GPC1: variants seen among roughly 807,000 people sequenced by gnomAD.
The protein encoded by GPC1 is glypican 1.
A neutral mutation model predicts 51.5 loss-of-function variants in GPC1; 26 were observed. That is an observed-to-expected ratio of 0.50 (90% CI 0.37 to 0.70). The LOEUF (loss-of-function observed/expected upper bound fraction) is 0.70, where lower values mean the gene tolerates loss of function less well. GPC1 is among the 30% of genes least tolerant of loss of function. The pLI is 0.00. For synonymous variants in GPC1, 380 were observed against 348.3 expected (o/e 1.09, Z -1.01); for missense variants, 775 against 800.5 (o/e 0.97, Z 0.38).
chr2:240,451,387 C>A, intron 1 of GPC1: 1 of 404,530 alleles, frequency 2.5e-6, no homozygotes, highest in Non-Finnish European at 5.2e-6. Context: ...CCTTGGGTGC[C>A]TGTGGCCCCT....
Position 240,465,578 on chromosome 2 carries a change from G to T in GPC1, c.1374G>T (p.Met458Ile). The T allele has an allele frequency of 1.2e-6, 2 of 1,613,166 alleles. No individual in the cohort carries two copies. The highest frequency in any genetic ancestry group is 8.5e-7 in the Non-Finnish European group (1 of 1,179,984). The change falls in exon 8 of 9, where the codon ATG becomes ATT. Residue 458 changes from methionine to isoleucine, a missense_variant. Transcript: ENST00000264039. Reference sequence around the variant, plus strand: ...ACATGACCATCCGGCAGCAGATCATGCAGCTGAAGATCATGACCAACCGGC... The same window carrying T: ...ACATGACCATCCGGCAGCAGATCATTCAGCTGAAGATCATGACCAACCGGC... ...KPDMTIRQQI[M>I]QLKIMTNRLR...
At chr2:240,456,742 G>A (rs1488169093) in intron 1 of GPC1, 3 of 414,500 alleles carry the variant, frequency 7.2e-6, no homozygotes, top group Non-Finnish European at 1.6e-5. Flanking sequence ...CCGGAGGGGC[G>A]GTTCCTGCTC....
chr2:240,439,506 C>T (rs572230697), intron 1 of GPC1, among the ~76,000 whole-genome samples: 4 of 152,336 alleles, frequency 2.6e-5, no homozygotes, highest in Admixed American at 6.5e-5. Context: ...CACCAGCGTG[C>T]CCTGGAGCCT....
chr2:240,444,105 T>G (rs1307269505), intron 1 of GPC1, among the ~76,000 whole-genome samples: 1 of 152,142 alleles, frequency 6.6e-6, no homozygotes. Flanking sequence ...CGGCCCGGCT[T>G]CTTTGCAGCT....
rs533563171 is a variant in GPC1, at chr2:240,465,791, C to G, written c.1444+143C>G. 33 of 730,566 alleles carry G rather than the reference C, an allele frequency of 4.5e-5. No homozygotes were observed. The African/African-American group carries it at 4.9e-4, about 11-fold the overall frequency. The allele number at this position is 730,566 out of a possible 1,614,324, so 45.3% of individuals were successfully genotyped here. ...GTGAGTCTGAGGACGCTGTGCTGCC[C>G]AGGCACGATCACCGAGCCCTGCACC... On this transcript the variant is annotated intron_variant, in intron 8 of 8. Coordinates refer to ENST00000264039, the MANE Select transcript of GPC1 (RefSeq NM_002081.3).
intron 1 of GPC1, chr2:240,454,818 C>T (rs1437746316): frequency 6.1e-6 from 1 of 163,024 alleles, no homozygotes; most frequent in South Asian, 1.5e-4. Flanking sequence ...CTGCATTCTC[C>T]TTGGGAGGGC....
At chr2:240,452,695 G>A (rs1057455080) in intron 1 of GPC1, 1 of 151,630 alleles carries the variant, frequency 6.6e-6, no homozygotes, top group Non-Finnish European at 1.5e-5. Flanking sequence ...CTGGCCGGAG[G>A]GGCCGGGGCG....
chr2:240,459,179 A>G lies in GPC1; in HGVS notation c.316A>G (p.Ser106Gly), dbSNP rs1156863880. ...GGCCATGCTTGCCACCCAGCTGCGC[A>G]GCTTCGATGGTGAGTGCCTCCCACG... ...LQAMLATQLRSFDDHFQHLLN... is the reference protein window; with the variant it reads ...LQAMLATQLRGFDDHFQHLLN... The change falls in exon 2 of 9, where the codon AGC (serine) becomes GGC (glycine). Residue 106 changes from serine (S) to glycine (G), a missense_variant. Coordinates refer to ENST00000264039, the MANE Select transcript of GPC1 (RefSeq NM_002081.3). The G allele has an allele frequency of 3.1e-6, 5 of 1,611,698 alleles. No homozygotes were observed. In the African/African-American group the frequency reaches 5.3e-5, roughly 17 times the overall value.
At chr2:240,450,042 CA>C (rs2074083445) in intron 1 of GPC1, 2 of 384,966 alleles carry the variant, frequency 5.2e-6, no homozygotes, top group African/African-American at 4.2e-5. Context: ...TTCCTGCTTC[CA>C]GTTCTTTGGG....
At chr2:240,438,609 G>T (rs1045111453) in intron 1 of GPC1, among the ~76,000 whole-genome samples, 1 of 152,242 alleles carries the variant, frequency 6.6e-6, no homozygotes, top group Admixed American at 6.5e-5. Flanking sequence ...CGGAGCAGGT[G>T]GGGTAGAGAT....
rs2074254648 is a variant in GPC1 at position 240,465,594 on chromosome 2, A to T, written c.1390A>T (p.Thr464Ser). Reference sequence around the variant, plus strand: ...GCAGATCATGCAGCTGAAGATCATGACCAACCGGCTGCGCAGCGCCTACAA... The same window carrying T: ...GCAGATCATGCAGCTGAAGATCATGTCCAACCGGCTGCGCAGCGCCTACAA... Reference protein sequence around the residue: ...RQQIMQLKIMTNRLRSAYNGN... With the variant: ...RQQIMQLKIMSNRLRSAYNGN... The change falls in exon 8 of 9, where the codon ACC becomes TCC. Residue 464 changes from threonine to serine, a missense_variant. Physicochemically the swap from Thr to Ser is moderately conservative, Grantham distance 58. Coordinates refer to ENST00000264039, the MANE Select transcript of GPC1 (RefSeq NM_002081.3). 6.2e-7 allele frequency: 1 copy of T among 1,613,062 alleles called. No individual in the cohort carries two copies. Among genetic ancestry groups the T allele is most frequent in the Non-Finnish European group, 8.5e-7 (1 of 1,179,984 alleles).
At chr2:240,458,120 A>G in intron 1 of GPC1, 3 of 464,674 alleles carry the variant, frequency 6.5e-6, no homozygotes, top group Non-Finnish European at 1.3e-5. Context: ...TCATCCCTGT[A>G]AGCCCCGGTT....
intron 8 of GPC1, 143 bp downstream of exon 8, chr2:240,465,791 C>T (rs533563171): frequency 2.7e-6 from 2 of 730,448 alleles, no homozygotes; most frequent in Non-Finnish European, 4.5e-6. Flanking sequence ...CTGTGCTGCC[C>T]AGGCACGATC....
chr2:240,455,743 C>CCAGGAGGG (rs906705545), intron 1 of GPC1, among the ~76,000 whole-genome samples: 17 of 152,340 alleles, frequency 1.1e-4, no homozygotes, highest in Non-Finnish European at 4.4e-5. Context: ...TGGCATTCTT[C>CCAGGAGGG]CAGGAGGGGG....
intron 3 of GPC1, 47 bp downstream of exon 3, chr2:240,462,629 T>C: frequency 6.8e-7 from 1 of 1,480,104 alleles, no homozygotes; most frequent in Non-Finnish European, 9.0e-7. Flanking sequence ...CAGACCCCCA[T>C]GCTCTGCCCA....
intron 2 of GPC1, among the ~76,000 whole-genome samples, 167 bp from the exon 3 acceptor site, chr2:240,462,024 C>T (rs1285009017): frequency 1.3e-5 from 2 of 152,084 alleles, no homozygotes. Context: ...TCTCGGGGCG[C>T]CCCATGGATG....
intron 1 of GPC1, among the ~76,000 whole-genome samples, chr2:240,457,651 C>T (rs2074179138): frequency 6.6e-6 from 1 of 152,128 alleles, no homozygotes; most frequent in Non-Finnish European, 1.5e-5. Flanking sequence ...AGGGCTGGAG[C>T]TGCTGCCAGC....
chr2:240,454,305 C>T (rs764821714), intron 1 of GPC1, among the ~76,000 whole-genome samples: 1 of 152,164 alleles, frequency 6.6e-6, no homozygotes, highest in South Asian at 2.1e-4. Flanking sequence ...GCAGCCTGGG[C>T]AGTGGGTGGT....
chr2:240,450,141 C>T (rs2074084252), intron 1 of GPC1: 3 of 340,738 alleles, frequency 8.8e-6, no homozygotes, highest in African/African-American at 2.2e-5. Flanking sequence ...TATCTGCACT[C>T]GTCCCCTAAT....
Sources: allele counts gnomAD v4.1 joint callset (sites outside exome capture counted in the v4.1 genomes callset), GRCh38; gene constraint gnomAD v4.1.1; transcripts MANE v1.5; gene names NCBI Gene and HGNC (gene_info 2026-07-23, HGNC 2026-07-21).